The following TAB2 variants were observed in gnomAD, a reference collection of about 807,000 sequenced individuals.
The protein encoded by TAB2 is TGF-beta activated kinase 1 (MAP3K7) binding protein 2.
Under a neutral mutation model 65.0 loss-of-function variants are expected in TAB2, and 3 were observed. That is an observed-to-expected ratio of 0.05 (90% CI 0.02 to 0.12). TAB2 has a LOEUF of 0.12. TAB2 is among the 10% of genes least tolerant of loss of function. TAB2 has a pLI of 1.00. For synonymous variants in TAB2, 298 were observed against 285.1 expected (o/e 1.05, Z -0.46); for missense variants, 623 against 840.3 (o/e 0.74, Z 3.20).
chr6:149,247,078 A>G, intron 1 of TAB2: 1 of 152,550 alleles, frequency 6.6e-6, no homozygotes, highest in Non-Finnish European at 1.5e-5. Flanking sequence ...CTGCTCAGGT[A>G]AGCCCTCCCT....
intron 1 of TAB2, among the ~76,000 whole-genome samples, chr6:149,278,400 A>T (rs779214028): frequency 2.0e-5 from 3 of 152,246 alleles, no homozygotes; most frequent in Admixed American, 6.5e-5. Flanking sequence ...ATGACTAGTT[A>T]GAGAATAAAA....
upstream of TAB2, among the ~76,000 whole-genome samples, chr6:149,316,718 T>G (rs1365576337): frequency 6.6e-6 from 1 of 152,182 alleles, no homozygotes; most frequent in Non-Finnish European, 1.5e-5. Context: ...AGCTAGTCTT[T>G]GGCTCTGCTT....
At chr6:149,312,524 G>T (rs181169031) in intron 1 of TAB2, among the ~76,000 whole-genome samples, 1 of 152,082 alleles carries the variant, frequency 6.6e-6, no homozygotes, top group Admixed American at 6.5e-5. Flanking sequence ...CACCACGCCC[G>T]ACTAATTTTT....
intron 3 of TAB2, among the ~76,000 whole-genome samples, chr6:149,381,496 A>G (rs1213036803): frequency 3.9e-5 from 6 of 152,062 alleles, no homozygotes; most frequent in Non-Finnish European, 8.8e-5. Flanking sequence ...GATATTAAAA[A>G]GATATTCATG....
Position 149,322,475 on chromosome 6 carries a change from A to G in TAB2, c.-90+4460A>G, listed in dbSNP as rs117467732. Among the ~76,000 whole-genome samples, 69 of 152,198 alleles carry G rather than the reference A, an allele frequency of 4.5e-4. 1 individual carries two copies. In the East Asian group the frequency reaches 0.012, roughly 27 times the overall value. On this transcript the variant is annotated intron_variant, in intron 1 of 6. Transcript: ENST00000637181. Reference sequence around the variant, plus strand: ...TACAGAGTTTCAACAGCGATTTCCTATTGTTAGTATTTCAGAAAGCTGTTT... The same window carrying G: ...TACAGAGTTTCAACAGCGATTTCCTGTTGTTAGTATTTCAGAAAGCTGTTT...
At chr6:149,317,246 C>T (rs1242486032), upstream of TAB2, among the ~76,000 whole-genome samples, 2 of 152,206 alleles carry the variant, frequency 1.3e-5, no homozygotes, top group East Asian at 3.9e-4. The surrounding 1 kb of genome is among the most constrained non-coding windows in gnomAD (Gnocchi z 4.7). Flanking sequence ...GGGGCCCAGG[C>T]GGAGAAAGGG....
At chr6:149,290,382 T>C (rs1177120555) in intron 1 of TAB2, among the ~76,000 whole-genome samples, 1 of 152,190 alleles carries the variant, frequency 6.6e-6, no homozygotes. Flanking sequence ...ACCCCGCACA[T>C]TCTCTATTTT....
chr6:149,296,784 A>T (rs534625), intron 1 of TAB2, among the ~76,000 whole-genome samples: 61,458 of 152,068 alleles, frequency 0.4, 14,057 homozygotes, highest in African/African-American at 0.64. Context: ...TAAAGCTGAA[A>T]TCTTCAGAGG....
rs1173621813 is a variant in TAB2, at chr6:149,403,337, TATACACACACAC to T, written c.1939+4155_1939+4166del. The stretch of plus-strand genomic sequence containing the variant: ...ATACACACACATATATATACATATA[TATACACACACAC>T]ACACACACACACACACACACACACA... On this transcript the variant is annotated intron_variant, in intron 6 of 6. Transcript: ENST00000637181. Among the ~76,000 whole-genome samples the T allele has an allele frequency of 3.4e-3, 174 of 51,496 alleles. 3 individuals are homozygous for T. Among genetic ancestry groups the T allele is most frequent in the African/African-American group, 9.7e-3 (99 of 10,222 alleles). 33.8% of individuals were successfully genotyped at this position (51,496 alleles called of 152,430 possible).
intron 1 of TAB2, chr6:149,304,427 CCTT>C (rs1485955653): frequency 6.5e-6 from 1 of 153,230 alleles, no homozygotes; most frequent in Admixed American, 6.5e-5. Flanking sequence ...TCTCCCTATT[CCTT>C]CAGTAACAAA....
At chr6:149,315,466 A>G (rs1360982215), upstream of TAB2, among the ~76,000 whole-genome samples, 2 of 152,134 alleles carry the variant, frequency 1.3e-5, no homozygotes, top group African/African-American at 4.8e-5. Flanking sequence ...TTACCCCTTA[A>G]TATTTCAGTG....
At chr6:149,350,495 G>A (rs1780454296) in intron 1 of TAB2, among the ~76,000 whole-genome samples, 2 of 152,060 alleles carry the variant, frequency 1.3e-5, no homozygotes, top group Non-Finnish European at 2.9e-5. Context: ...TGTTGAAATG[G>A]AAAAATCTTC....
intron 1 of TAB2, among the ~76,000 whole-genome samples, chr6:149,310,868 A>C (rs563319140): frequency 1.1e-3 from 163 of 152,010 alleles, no homozygotes; most frequent in African/African-American, 3.8e-3. Flanking sequence ...TTTCTCCCTC[A>C]CCCCCTATTT....
At chr6:149,267,012 GA>G (rs1778276602) in intron 1 of TAB2, among the ~76,000 whole-genome samples, 1 of 152,220 alleles carries the variant, frequency 6.6e-6, no homozygotes, top group Non-Finnish European at 1.5e-5. Flanking sequence ...AATTTTAGAA[GA>G]TTAAAGTAGG....
At chr6:149,376,418 A>G (rs1781398752) in intron 2 of TAB2, among the ~76,000 whole-genome samples, 2 of 152,214 alleles carry the variant, frequency 1.3e-5, no homozygotes, top group Non-Finnish European at 2.9e-5. Context: ...TTTGTTCAAC[A>G]ACATTTTCAA....
intron 3 of TAB2, among the ~76,000 whole-genome samples, chr6:149,389,962 T>C (rs1037179812): frequency 2.6e-5 from 4 of 152,212 alleles, no homozygotes; most frequent in Non-Finnish European, 5.9e-5. Flanking sequence ...CCTCATACTT[T>C]TATTTTACAT....
rs184589442 is a variant in TAB2, at chr6:149,224,834, A to G, written c.-121+6058A>G. Among the ~76,000 whole-genome samples, 385 of 152,372 alleles carry G rather than the reference A, an allele frequency of 2.5e-3. 2 individuals are homozygous for G. The highest frequency in any genetic ancestry group is 8.8e-3 in the African/African-American group (368 of 41,590). On this transcript the variant is annotated intron_variant, in intron 1 of 1. Coordinates refer to the TAB2 transcript ENST00000606202. ...AGTTAAGCAGGCCCTTGAAAAATAA[A>G]CGGAGAACTGACAAAGGAATTAAGG...
At chr6:149,239,885 G>C (rs951101260) in intron 1 of TAB2, among the ~76,000 whole-genome samples, 4 of 152,140 alleles carry the variant, frequency 2.6e-5, no homozygotes, top group African/African-American at 7.2e-5. Flanking sequence ...AGGTAAACTT[G>C]ACCTATTAGT....
chr6:149,278,242 C>T (rs143570084), intron 1 of TAB2, among the ~76,000 whole-genome samples: 289 of 152,282 alleles, frequency 1.9e-3, no homozygotes, highest in African/African-American at 6.6e-3. Flanking sequence ...AAAATATGAA[C>T]TCTTCTTCCA....
Sources: allele counts gnomAD v4.1 joint callset (sites outside exome capture counted in the v4.1 genomes callset), GRCh38; gene constraint gnomAD v4.1.1; non-coding constraint Gnocchi (gnomAD v3.1); transcripts MANE v1.5; gene names NCBI Gene and HGNC (gene_info 2026-07-23, HGNC 2026-07-21).